F13A1: variants seen among roughly 807,000 people sequenced by gnomAD.
The protein encoded by F13A1 is FSF, A subunit.
F13A1 carries 47 observed loss-of-function variants against 80.1 expected under a neutral mutation model. The ratio of observed to expected loss-of-function variants is 0.59; its 90% confidence interval spans 0.46 to 0.75. F13A1 has a LOEUF of 0.75. F13A1 is among the 30% of genes least tolerant of loss of function. F13A1 has a pLI of 0.00. For missense variants in F13A1, 817 were observed against 930.4 expected, an observed-to-expected ratio of 0.88 and a Z score of 1.59; for synonymous variants, 349 against 344.9, an observed-to-expected ratio of 1.01 and a Z score of -0.13.
intron 10 of F13A1, among the ~76,000 whole-genome samples, chr6:6,184,724 T>G (rs1357268043): frequency 6.6e-6 from 1 of 152,112 alleles, no homozygotes; most frequent in Non-Finnish European, 1.5e-5. Flanking sequence ...AAGCAAAATA[T>G]GAAAGTGGCT....
chr6:6,242,083 AAG>A lies in F13A1; in HGVS notation c.798+6227_798+6228del, dbSNP rs770862099. Among the ~76,000 whole-genome samples the A allele has an allele frequency of 1.5e-4, 23 of 152,310 alleles. No homozygotes were observed. In the East Asian group the frequency reaches 2.5e-3, roughly 17 times the overall value. On this transcript the variant is annotated intron_variant, in intron 6 of 14. Transcript: ENST00000264870. ...AAATCTTTCTAAATACTGGGACAAA[AAG>A]AGGGGGAGGAAAAGATGGACAAAGG...
intron 6 of F13A1, among the ~76,000 whole-genome samples, chr6:6,239,999 C>T (rs1757465100): frequency 6.6e-6 from 1 of 152,050 alleles, no homozygotes; most frequent in African/African-American, 2.4e-5. Flanking sequence ...CTTTGCTATC[C>T]ATCTATCCTG....
At chr6:6,230,744 C>A (rs921851876) in intron 6 of F13A1, among the ~76,000 whole-genome samples, 1 of 152,144 alleles carries the variant, frequency 6.6e-6, no homozygotes, top group Non-Finnish European at 1.5e-5. Context: ...TGAGAGGGAC[C>A]CAGAGATGGC....
chr6:6,306,172 A>G (rs714408), intron 2 of F13A1, among the ~76,000 whole-genome samples: 52,109 of 152,016 alleles, frequency 0.34, 9,115 homozygotes, highest in East Asian at 0.5. Context: ...TTTCCATGAG[A>G]TAAGTGTGAT....
intron 4 of F13A1, among the ~76,000 whole-genome samples, chr6:6,254,028 T>C (rs1265260492): frequency 6.6e-6 from 1 of 152,058 alleles, no homozygotes; most frequent in Non-Finnish European, 1.5e-5. Flanking sequence ...TAACGTTCAA[T>C]AAATATATGA....
At chr6:6,151,455 G>T (rs534642989) in intron 14 of F13A1, among the ~76,000 whole-genome samples, 24 of 152,298 alleles carry the variant, frequency 1.6e-4, no homozygotes, top group African/African-American at 5.5e-4. Flanking sequence ...CAGCAAAGTG[G>T]TTCAAACTTG....
At position 6,243,559 on chromosome 6, in the gene F13A1, G is replaced by A. The variant is rs1338947305; in HGVS notation, c.798+4753C>T. ...GGGGCTCTCTTCTTTTCTAGGAAAT[G>A]GCAATTCAATCTTACATAATTATTG... On this transcript the variant is annotated intron_variant, in intron 6 of 14. Transcript: ENST00000264870. The surrounding 1 kb of genome is among the most constrained non-coding windows in gnomAD (Gnocchi z 4.2). Among the ~76,000 whole-genome samples, 1 of 152,146 alleles carries A rather than the reference G, an allele frequency of 6.6e-6. No homozygotes were observed. Among genetic ancestry groups the A allele is most frequent in the East Asian group, 1.9e-4 (1 of 5,196 alleles).
chr6:6,227,636 A>C (rs941313635), intron 6 of F13A1, among the ~76,000 whole-genome samples: 1 of 152,210 alleles, frequency 6.6e-6, no homozygotes, highest in Non-Finnish European at 1.5e-5. Context: ...CTTTGAACTC[A>C]CATTATCATT....
At chr6:6,199,682 T>C (rs426158) in intron 8 of F13A1, among the ~76,000 whole-genome samples, 9,285 of 152,216 alleles carry the variant, frequency 0.061, 416 homozygotes, top group Admixed American at 0.096. Flanking sequence ...TGATATCAAA[T>C]TAAACATTCA....
At chr6:6,236,119 G>C (rs890612523) in intron 6 of F13A1, among the ~76,000 whole-genome samples, 1 of 152,124 alleles carries the variant, frequency 6.6e-6, no homozygotes, top group African/African-American at 2.4e-5. Context: ...ATGACAGAAG[G>C]CTGAGCAGTG....
At chr6:6,160,039 G>T (rs1296522230) in intron 13 of F13A1, among the ~76,000 whole-genome samples, 1 of 151,974 alleles carries the variant, frequency 6.6e-6, no homozygotes, top group Non-Finnish European at 1.5e-5. Context: ...CACTTTGGGA[G>T]GCCAAGGTGG....
chr6:6,305,388 G>A lies in F13A1; in HGVS notation c.282C>T (p.Asp94=), dbSNP rs768303192. 1 of 1,614,218 alleles carries A rather than the reference G, an allele frequency of 6.2e-7. No homozygotes were observed. Among genetic ancestry groups the A allele is most frequent in the Admixed American group, 1.7e-5 (1 of 60,028 alleles). ...CCACCCTGAAGAGATCCCTTCTGGG[G>A]TCATATGGACGACTGAAGTCAATCT... ...YVQIDFSRPY[D]PRRDLFRVEY... is the part of the protein sequence containing the mutation. The change falls in exon 3 of 15, where the codon GAC becomes GAT. Residue 94 remains aspartate, a synonymous_variant. Coordinates refer to ENST00000264870, the MANE Select transcript of F13A1 (RefSeq NM_000129.4).
intron 13 of F13A1, among the ~76,000 whole-genome samples, chr6:6,154,504 A>G (rs1760440503): frequency 6.6e-6 from 1 of 152,194 alleles, no homozygotes; most frequent in African/African-American, 2.4e-5. Flanking sequence ...TACCCACTGC[A>G]TGCCAGGAGC....
chr6:6,234,835 C>A (rs542845523), intron 6 of F13A1, among the ~76,000 whole-genome samples: 7 of 151,774 alleles, frequency 4.6e-5, no homozygotes, highest in African/African-American at 1.7e-4. Flanking sequence ...TAATTTCTTT[C>A]CTATTAAAGT....
rs192719180 is a variant in F13A1 at position 6,195,684 on chromosome 6, C to G, written c.1305+113G>C. ...TAATGCCTAGTTACCTTTGTCAACA[C>G]GAAGCATACGCTATGTACCTGGAAA... On this transcript the variant is annotated intron_variant, in intron 10 of 14. Coordinates refer to ENST00000264870, the MANE Select transcript of F13A1 (RefSeq NM_000129.4). 3 of 890,318 alleles carry G rather than the reference C, an allele frequency of 3.4e-6. No individual in the cohort carries two copies. In the East Asian group the frequency reaches 7.9e-5, roughly 23 times the overall value. The allele number at this position is 890,318 out of a possible 1,614,324, so 55.2% of individuals were successfully genotyped here.
At chr6:6,317,137 A>G (rs1225940732) in intron 2 of F13A1, among the ~76,000 whole-genome samples, 1 of 152,202 alleles carries the variant, frequency 6.6e-6, no homozygotes, top group Non-Finnish European at 1.5e-5. Context: ...GATGGAATAC[A>G]CAAAGGCAAC....
intron 3 of F13A1, among the ~76,000 whole-genome samples, chr6:6,279,516 G>C (rs551278191): frequency 1.3e-5 from 2 of 152,300 alleles, no homozygotes; most frequent in South Asian, 4.1e-4. Flanking sequence ...AAGCCCAAGG[G>C]GTGGAGAGGG....
In F13A1 at chr6:6,206,286, T is replaced by C. The variant is rs1038785501; in HGVS notation, c.1113-8960A>G. Reference sequence around the variant, plus strand: ...GAATTACATTACATTCAGTATAGCCTAGGCGGTGCATACTTTATTAGTTTC... The same window carrying C: ...GAATTACATTACATTCAGTATAGCCCAGGCGGTGCATACTTTATTAGTTTC... On this transcript the variant is annotated intron_variant, in intron 8 of 14. Transcript: ENST00000264870. 12 of 357,764 alleles carry C rather than the reference T, an allele frequency of 3.4e-5. No individual in the cohort carries two copies. In the East Asian group the frequency reaches 5.9e-4, roughly 18 times the overall value. 22.2% of individuals were successfully genotyped at this position (357,764 alleles called of 1,614,324 possible).
At chr6:6,169,727 A>G (rs1303320178) in intron 12 of F13A1, among the ~76,000 whole-genome samples, 1 of 152,206 alleles carries the variant, frequency 6.6e-6, no homozygotes, top group African/African-American at 2.4e-5. Flanking sequence ...GCAGTTAAAC[A>G]TCCTACAATG....
Sources: allele counts gnomAD v4.1 joint callset (sites outside exome capture counted in the v4.1 genomes callset), GRCh38; gene constraint gnomAD v4.1.1; non-coding constraint Gnocchi (gnomAD v3.1); transcripts MANE v1.5; gene names NCBI Gene and HGNC (gene_info 2026-07-23, HGNC 2026-07-21).